FRMD4A: variants seen among roughly 807,000 people sequenced by gnomAD.
FRMD4A encodes FERM domain-containing protein 4A.
Under a neutral mutation model 129.1 loss-of-function variants are expected in FRMD4A, and 29 were observed. The observed-to-expected ratio is 0.22, with a 90% confidence interval of 0.17 to 0.31. The LOEUF (loss-of-function observed/expected upper bound fraction) is 0.31, where lower values mean the gene tolerates loss of function less well. FRMD4A is among the 10% of genes least tolerant of loss of function. The pLI is 1.00. For synonymous variants in FRMD4A, 634 were observed against 571.6 expected, an observed-to-expected ratio of 1.11 and a Z score of -1.56; for missense variants, 1,272 against 1,375.8, an observed-to-expected ratio of 0.92 and a Z score of 1.19.
Position 14,181,294 on chromosome 10 carries a change from G to GT in FRMD4A, c.45+148763dup, listed in dbSNP as rs377214234. On this transcript the variant is annotated intron_variant, in intron 2 of 24. Transcript: ENST00000357447. The stretch of plus-strand genomic sequence containing the variant: ...GTATTTCCACTTTTTTCTTTTTTTT[G>GT]TTTTTTTCCTTAAGGTTTGTGGTTT... Among the ~76,000 whole-genome samples, 333 of 151,340 alleles carry GT rather than the reference G, an allele frequency of 2.2e-3. 4 individuals are homozygous for GT. The highest frequency in any genetic ancestry group is 6.0e-4 in the Non-Finnish European group (41 of 67,778).
chr10:14,053,637 C>T (rs1240796446), intron 2 of FRMD4A, among the ~76,000 whole-genome samples: 1 of 152,166 alleles, frequency 6.6e-6, no homozygotes, highest in Non-Finnish European at 1.5e-5. Flanking sequence ...TTTTTCACCC[C>T]TATTGCCTAG....
chr10:13,917,851 C>T (rs1008351398), intron 2 of FRMD4A, among the ~76,000 whole-genome samples: 2 of 152,160 alleles, frequency 1.3e-5, no homozygotes, highest in Admixed American at 6.5e-5. Context: ...CTTGGGTGAG[C>T]CCTTTGATCA....
chr10:13,697,152 A>ATTTTT (rs11309575), intron 14 of FRMD4A, among the ~76,000 whole-genome samples: 67 of 136,548 alleles, frequency 4.9e-4, no homozygotes, highest in African/African-American at 1.6e-3. Flanking sequence ...AAACTACTGG[A>ATTTTT]TTTTTTTTTT....
chr10:14,062,735 A>C (rs1000220131), intron 2 of FRMD4A, among the ~76,000 whole-genome samples: 2 of 152,200 alleles, frequency 1.3e-5, no homozygotes, highest in Non-Finnish European at 2.9e-5. Flanking sequence ...AGTGGACTTC[A>C]GGTGTGATTG....
chr10:13,849,668 G>A (rs981429496), intron 3 of FRMD4A, among the ~76,000 whole-genome samples: 1 of 150,974 alleles, frequency 6.6e-6, no homozygotes, highest in African/African-American at 2.4e-5. Context: ...TAGTAGAGAC[G>A]GGCTTTCACC....
At chr10:13,671,869 C>A (rs997017360) in intron 16 of FRMD4A, among the ~76,000 whole-genome samples, 1 of 152,264 alleles carries the variant, frequency 6.6e-6, no homozygotes, top group African/African-American at 2.4e-5. Context: ...CCCAAATCAA[C>A]GCAGATGCTG....
At chr10:13,722,556 C>T (rs2089524599) in intron 12 of FRMD4A, among the ~76,000 whole-genome samples, 2 of 152,136 alleles carry the variant, frequency 1.3e-5, no homozygotes, top group South Asian at 2.1e-4. Context: ...TCATTGGGAC[C>T]CTCTGGTCTT....
At chr10:14,181,041 T>G (rs1841896087) in intron 2 of FRMD4A, among the ~76,000 whole-genome samples, 1 of 152,236 alleles carries the variant, frequency 6.6e-6, no homozygotes, top group African/African-American at 2.4e-5. Flanking sequence ...AGCAATTGCC[T>G]AAAGTTATCA....
chr10:13,835,490 G>A (rs1279821275), intron 3 of FRMD4A, among the ~76,000 whole-genome samples: 1 of 152,116 alleles, frequency 6.6e-6, no homozygotes, highest in East Asian at 1.9e-4. Context: ...AGTGAGTGAA[G>A]CTTCATCTGT....
intron 8 of FRMD4A, among the ~76,000 whole-genome samples, chr10:13,757,676 A>C (rs995746837): frequency 1.3e-5 from 2 of 152,240 alleles, no homozygotes; most frequent in African/African-American, 4.8e-5. Context: ...CATGAGAAAG[A>C]GTAGCTACGG....
At chr10:14,271,295 A>T (rs1368510668) in intron 2 of FRMD4A, among the ~76,000 whole-genome samples, 8 of 152,262 alleles carry the variant, frequency 5.3e-5, no homozygotes, top group Admixed American at 5.2e-4. Context: ...TAGTAAAAAT[A>T]AAATTATTTA....
intron 2 of FRMD4A, among the ~76,000 whole-genome samples, chr10:14,188,376 T>C (rs1842212975): frequency 6.6e-6 from 1 of 152,192 alleles, no homozygotes; most frequent in Admixed American, 6.5e-5. Flanking sequence ...ATTGAAAATG[T>C]ATAATAGCTT....
At chr10:14,227,076 C>T (rs555782137) in intron 2 of FRMD4A, among the ~76,000 whole-genome samples, 2 of 152,146 alleles carry the variant, frequency 1.3e-5, no homozygotes, top group Admixed American at 1.3e-4. Flanking sequence ...GCTGCACATG[C>T]CCGCAAGATG....
chr10:13,714,036 A>AAAATATATATTT (rs1554858965), intron 12 of FRMD4A, among the ~76,000 whole-genome samples: 2,140 of 4,426 alleles, frequency 0.48, 494 homozygotes, highest in East Asian at 0.57. Flanking sequence ...ACATATATAT[A>AAAATATATATTT]TATATATATA....
chr10:14,283,993 C>T (rs1485209646), intron 2 of FRMD4A, among the ~76,000 whole-genome samples: 1 of 140,538 alleles, frequency 7.1e-6, no homozygotes, highest in Non-Finnish European at 1.6e-5. Flanking sequence ...AACTTGCTCA[C>T]GGTCAAACAA....
intron 2 of FRMD4A, among the ~76,000 whole-genome samples, chr10:13,964,471 C>T (rs1335999964): frequency 5.3e-5 from 2 of 38,004 alleles, no homozygotes; most frequent in Non-Finnish European, 1.0e-4. Context: ...GAGCTGGAGG[C>T]AGGGTGGGGG....
chr10:14,071,621 C>T (rs933103895), intron 2 of FRMD4A, among the ~76,000 whole-genome samples: 5 of 151,390 alleles, frequency 3.3e-5, no homozygotes, highest in Admixed American at 2.6e-4. Flanking sequence ...GGAGATGGGA[C>T]GGAAAAAGAA....
chr10:13,686,534 G>A (rs2085102267), intron 15 of FRMD4A, among the ~76,000 whole-genome samples: 1 of 152,184 alleles, frequency 6.6e-6, no homozygotes. Flanking sequence ...CGGATCCCAG[G>A]CAATGCCAGG....
At chr10:13,831,738 T>C (rs1330896137) in intron 3 of FRMD4A, among the ~76,000 whole-genome samples, 1 of 152,204 alleles carries the variant, frequency 6.6e-6, no homozygotes, top group Non-Finnish European at 1.5e-5. Flanking sequence ...TGCATTTCCC[T>C]TCCCCATGCC....
Sources: gnomAD v4.1 joint callset for allele counts (sites outside exome capture counted in the v4.1 genomes callset) on GRCh38, gnomAD v4.1.1 for gene constraint, MANE v1.5 for transcripts, NCBI Gene and HGNC (gene_info 2026-07-23, HGNC 2026-07-21) for gene names.